The following ZSCAN5B variants were observed in gnomAD, a reference collection of about 807,000 sequenced individuals.
ZSCAN5B encodes the protein zinc finger and SCAN domain-containing protein 5B.
In ZSCAN5B, 26 loss-of-function variants were observed where a neutral mutation model predicts 25.2. That is an observed-to-expected ratio of 1.03 (90% CI 0.76 to 1.43). The LOEUF is 1.43. ZSCAN5B is among the 40% of genes most tolerant of loss of function. ZSCAN5B has a pLI of 0.00. For synonymous variants in ZSCAN5B, 244 were observed against 240.9 expected (o/e 1.01, Z -0.12); for missense variants, 745 against 622.1 (o/e 1.20, Z -2.10).
At chr19:56,189,940 GCTGGTGAACGTT>G in exon 5 of ZSCAN5B, 1 of 1,614,018 alleles carries the variant, frequency 6.2e-7, no homozygotes, top group South Asian at 1.1e-5. Context: ...GAGTGGGTGC[GCTGGTGAACGTT>G]CAGGTTCCCC....
intron 1 of ZSCAN5B, among the ~76,000 whole-genome samples, chr19:56,194,874 A>T (rs2032788303): frequency 6.6e-6 from 1 of 152,160 alleles, no homozygotes; most frequent in African/African-American, 2.4e-5. Context: ...AAGTGCTAGG[A>T]TTATAGGCGT....
chr19:56,193,171 T>C, exon 2 of ZSCAN5B: 3 of 1,232,708 alleles, frequency 2.4e-6, no homozygotes, highest in Non-Finnish European at 3.3e-6. Context: ...TCACAGTTTG[T>C]TCAGAAGTCT....
rs187354305 is a variant in ZSCAN5B, at chr19:56,189,739, C to T, written c.*88G>A. 6.6e-5 allele frequency: 96 copies of T among 1,462,274 alleles called. 1 individual carries two copies. The African/African-American group carries it at 7.1e-4, about 11-fold the overall frequency. The allele number at this position is 1,462,274 out of a possible 1,614,324, so 90.6% of individuals were successfully genotyped here. A position where few individuals can be genotyped will look rare whatever the true frequency, so the allele number is the denominator to read the frequency against. Reference sequence around the variant, plus strand: ...ACATCCGGGCAATTCCTACCAAGTGCTTTATGTGTATATGTCATCTGGTAA... The same window carrying T: ...ACATCCGGGCAATTCCTACCAAGTGTTTTATGTGTATATGTCATCTGGTAA... On this transcript the variant is annotated 3_prime_UTR_variant, in exon 5 of 5. Transcript: ENST00000586855.
chr19:56,190,789 C>T (rs768020392), intron 4 of ZSCAN5B, 48 bp downstream of exon 4: 4 of 1,593,686 alleles, frequency 2.5e-6, no homozygotes, highest in East Asian at 4.5e-5. Flanking sequence ...AGCCCCGCAC[C>T]CCAGAAGAGA....
chr19:56,196,272 A>G (rs988532532), intron 1 of ZSCAN5B, among the ~76,000 whole-genome samples: 2 of 151,970 alleles, frequency 1.3e-5, no homozygotes, highest in Non-Finnish European at 1.5e-5. Flanking sequence ...GGCTGGTCTC[A>G]AACTCCTGAA....
intron 1 of ZSCAN5B, among the ~76,000 whole-genome samples, chr19:56,194,465 G>A (rs1255718912): frequency 6.6e-6 from 1 of 151,958 alleles, no homozygotes; most frequent in Non-Finnish European, 1.5e-5. Context: ...ATTTTTATAG[G>A]TTATTTTTGT....
chr19:56,191,781 T>A (rs1404504074), intron 3 of ZSCAN5B, 69 bp downstream of exon 3: 5 of 1,524,914 alleles, frequency 3.3e-6, no homozygotes, highest in East Asian at 2.3e-5. Flanking sequence ...CAATCAGTTC[T>A]GCAGCCACAC....
chr19:56,192,664 C>T lies in ZSCAN5B; in HGVS notation c.384+5G>A, dbSNP rs777355628. On this transcript the variant is annotated splice_donor_5th_base_variant and intron_variant, in intron 2 of 4. Transcript: ENST00000586855. The stretch of plus-strand genomic sequence containing the variant: ...CCCTGCACCAATCACGAGGTTCCCA[C>T]TCACCCATTTCTTGGGTCTTCTGTT... 1 of 1,593,064 alleles carries T rather than the reference C, an allele frequency of 6.3e-7. No homozygotes were observed. The highest frequency in any genetic ancestry group is 1.1e-5 in the South Asian group (1 of 88,694).
In ZSCAN5B at chr19:56,192,958, TGA is replaced by T; in HGVS notation, c.93_94del (p.Gln32ThrfsTer9). The T allele has an allele frequency of 6.2e-7, 1 of 1,613,048 alleles. No individual in the cohort carries two copies. Among genetic ancestry groups the T allele is most frequent in the Non-Finnish European group, 8.5e-7 (1 of 1,179,420 alleles). On this transcript the variant is annotated frameshift_variant, in exon 2 of 5. Coordinates refer to ENST00000586855, the Ensembl canonical transcript of ZSCAN5B. LOFTEE classifies it high-confidence loss of function. ...AGGGTTCCTGTCGTGATTTCCAAGT[TGA>T]GTTTCTGGGGACGCCACAGACCGTG...
In ZSCAN5B at chr19:56,197,730, T is replaced by C. The variant is rs1007342948; in HGVS notation, c.-128+4A>G. 1 of 985,114 alleles carries C rather than the reference T, an allele frequency of 1.0e-6. No homozygotes were observed. Among genetic ancestry groups the C allele is most frequent in the South Asian group, 4.7e-5 (1 of 21,224 alleles). The allele number at this position is 985,114 out of a possible 1,614,324, so 61.0% of individuals were successfully genotyped here. ...CCCCACAGCCATCGCCGCTGGACAC[T>C]CACCTCCTTCCCGGCTTCTGCCTCC... On this transcript the variant is annotated splice_donor_region_variant and intron_variant, in intron 1 of 4. Transcript: ENST00000586855.
intron 1 of ZSCAN5B, among the ~76,000 whole-genome samples, chr19:56,197,293 C>A (rs936092732): frequency 1.3e-5 from 2 of 151,466 alleles, no homozygotes; most frequent in African/African-American, 4.9e-5. Flanking sequence ...CTGACTCAGT[C>A]TCCCGAATAG....
intron 1 of ZSCAN5B, among the ~76,000 whole-genome samples, chr19:56,193,590 A>G (rs976682550): frequency 6.6e-6 from 1 of 152,232 alleles, no homozygotes; most frequent in African/African-American, 2.4e-5. Flanking sequence ...TAATAGTTAC[A>G]ACCTACGATT....
chr19:56,197,862 C>T (rs531024136), exon 1 of ZSCAN5B: 562 of 985,168 alleles, frequency 5.7e-4, no homozygotes, highest in South Asian at 1.1e-3. Flanking sequence ...TGCGCCGCGC[C>T]GTGATTGGTT....
At chr19:56,194,679 G>A (rs1214748102) in intron 1 of ZSCAN5B, among the ~76,000 whole-genome samples, 1 of 152,114 alleles carries the variant, frequency 6.6e-6, no homozygotes, top group Non-Finnish European at 1.5e-5. Flanking sequence ...GTGCAGTGGT[G>A]CAATCTCAGC....
rs2032723767 is a variant in ZSCAN5B, at chr19:56,190,941, G to C, written c.635C>G (p.Pro212Arg). ...GGTCTGCTTGGGTCTCGGAGAGTTT[G>C]GGTCACCTGTTACGTCAATACTCTT... is the stretch of plus-strand genomic sequence containing the variant. The change falls in exon 4 of 5, where the codon CCA becomes CGA. Residue 212 changes from proline to arginine, a missense_variant. By Grantham distance (103) the Pro-to-Arg change is moderately radical (BLOSUM62 -2). Coordinates refer to ENST00000586855, the Ensembl canonical transcript of ZSCAN5B. 10 of 1,613,916 alleles carry C rather than the reference G, an allele frequency of 6.2e-6. No homozygotes were observed. In the South Asian group the frequency reaches 8.8e-5, roughly 14 times the overall value.
At chr19:56,192,153 T>A (rs549082240) in intron 2 of ZSCAN5B, 100 bp from the exon 3 acceptor site, 3 of 1,119,802 alleles carry the variant, frequency 2.7e-6, no homozygotes, top group Non-Finnish European at 3.8e-6. Flanking sequence ...CTGTAATTAA[T>A]GTTCAAATCT....
chr19:56,193,626 C>A (rs747433650), intron 1 of ZSCAN5B, among the ~76,000 whole-genome samples: 33 of 152,174 alleles, frequency 2.2e-4, no homozygotes, highest in Non-Finnish European at 4.3e-4. Context: ...TTCCTGTTAA[C>A]CCCAGGATAT....
intron 1 of ZSCAN5B, among the ~76,000 whole-genome samples, chr19:56,194,235 C>T (rs2032778365): frequency 6.6e-6 from 1 of 151,540 alleles, no homozygotes; most frequent in African/African-American, 2.4e-5. Flanking sequence ...TTATCTCATT[C>T]CATAAAATGG....
chr19:56,194,542 G>C (rs555562822), intron 1 of ZSCAN5B, among the ~76,000 whole-genome samples: 1 of 152,098 alleles, frequency 6.6e-6, no homozygotes, highest in African/African-American at 2.4e-5. Flanking sequence ...CGATGCGCTT[G>C]CTTTGGCCTC....
Sources: allele counts gnomAD v4.1 joint callset (sites outside exome capture counted in the v4.1 genomes callset), GRCh38; gene constraint gnomAD v4.1.1; transcripts MANE v1.5; gene names NCBI Gene and HGNC (gene_info 2026-07-23, HGNC 2026-07-21).